The following GABBR2 variants were observed in gnomAD, a reference collection of about 807,000 sequenced individuals.
GABBR2 encodes the protein G-protein coupled receptor 51.
A neutral mutation model predicts 105.6 loss-of-function variants in GABBR2; 23 were observed. The ratio of observed to expected loss-of-function variants is 0.22; its 90% confidence interval spans 0.16 to 0.31. GABBR2 has a LOEUF of 0.31. Ranked by LOEUF, GABBR2 falls within the 10% of genes least tolerant of loss-of-function variation. GABBR2 has a pLI of 1.00. For synonymous variants in GABBR2, 478 were observed against 499.7 expected, an observed-to-expected ratio of 0.96 and a Z score of 0.58; for missense variants, 734 against 1,245.5, an observed-to-expected ratio of 0.59 and a Z score of 6.18.
rs1826723338 is a variant in GABBR2 at position 98,473,361 on chromosome 9, G to A, written c.799-15C>T. On this transcript the variant is annotated splice_polypyrimidine_tract_variant and intron_variant, in intron 5 of 18. Transcript: ENST00000259455. ...TCCTCGTATGCCTGTAAAAGATGGA[G>A]TGACTATGAGGGCATTGAGAGTCGC... 6.4e-7 allele frequency: 1 copy of A among 1,567,060 alleles called. No homozygotes were observed. Among genetic ancestry groups the A allele is most frequent in the African/African-American group, 1.4e-5 (1 of 74,036 alleles).
chr9:98,361,207 T>C (rs776126960), intron 13 of GABBR2, among the ~76,000 whole-genome samples: 73 of 152,282 alleles, frequency 4.8e-4, no homozygotes, highest in Non-Finnish European at 8.5e-4. Flanking sequence ...AGAGGGTAGT[T>C]AGTGGTATTG....
At chr9:98,375,560 C>A (rs553139) in intron 11 of GABBR2, among the ~76,000 whole-genome samples, 9,228 of 152,262 alleles carry the variant, frequency 0.061, 457 homozygotes, top group South Asian at 0.18. Flanking sequence ...GTCATGAACT[C>A]TTTGTCACCA....
At chr9:98,299,526 T>A (rs1167720886) in intron 16 of GABBR2, among the ~76,000 whole-genome samples, 173 bp from the exon 17 acceptor site, 1 of 152,216 alleles carries the variant, frequency 6.6e-6, no homozygotes, top group Non-Finnish European at 1.5e-5. Context: ...TCCTGGCGGC[T>A]CTTTGTTCAA....
chr9:98,669,277 C>T (rs1489429151), intron 1 of GABBR2, among the ~76,000 whole-genome samples: 2 of 152,042 alleles, frequency 1.3e-5, no homozygotes, highest in East Asian at 1.9e-4. Context: ...AGCGGTGACT[C>T]GTGGTTTTGA....
rs145535257 is a variant in GABBR2 at position 98,498,201 on chromosome 9, G to A, written c.631-1687C>T. On this transcript the variant is annotated intron_variant, in intron 3 of 18. Transcript: ENST00000259455. ...TTAGTCACATTTATAGAGACAGAGA[G>A]TAGAATGGTGGTTACCAGCAGCTGA... Among the ~76,000 whole-genome samples, 8 of 150,298 alleles carry A rather than the reference G, an allele frequency of 5.3e-5. No individual in the cohort carries two copies. In the East Asian group the frequency reaches 1.6e-3, roughly 30 times the overall value.
At chr9:98,683,140 C>G (rs1269134043) in intron 1 of GABBR2, among the ~76,000 whole-genome samples, 1 of 152,138 alleles carries the variant, frequency 6.6e-6, no homozygotes, top group Non-Finnish European at 1.5e-5. Flanking sequence ...ATCGCCTAGG[C>G]TAGAGTGCAA....
At chr9:98,707,020 C>T (rs1830904350) in intron 1 of GABBR2, among the ~76,000 whole-genome samples, 1 of 152,244 alleles carries the variant, frequency 6.6e-6, no homozygotes, top group Non-Finnish European at 1.5e-5. Context: ...CCGCCTGCAG[C>T]AGCCTGCGCG....
chr9:98,589,570 A>G (rs1410906636), intron 1 of GABBR2, among the ~76,000 whole-genome samples: 1 of 152,200 alleles, frequency 6.6e-6, no homozygotes, highest in Admixed American at 6.5e-5. Context: ...TGAGAGAGAC[A>G]AGAAAAGATT....
rs1252306860 is a variant in GABBR2, at chr9:98,306,806, T to C, written c.2005-461A>G. On this transcript the variant is annotated intron_variant, in intron 14 of 18. Coordinates refer to ENST00000259455, the MANE Select transcript of GABBR2 (RefSeq NM_005458.8). The surrounding 1 kb of genome is among the most constrained non-coding windows in gnomAD (Gnocchi z 5.4). ...TTAAACTAAGCAGATCCCTTGTGTCTGAGACTTCTATTGTCCCCAAGCACA... is the reference window on the plus strand; with the variant it reads ...TTAAACTAAGCAGATCCCTTGTGTCCGAGACTTCTATTGTCCCCAAGCACA... Among the ~76,000 whole-genome samples, 1 of 152,204 alleles carries C rather than the reference T, an allele frequency of 6.6e-6. No individual in the cohort carries two copies. The highest frequency in any genetic ancestry group is 1.5e-5 in the Non-Finnish European group (1 of 68,034).
At chr9:98,295,599 C>T (rs568432255) in intron 17 of GABBR2, among the ~76,000 whole-genome samples, 2 of 152,070 alleles carry the variant, frequency 1.3e-5, no homozygotes, top group Non-Finnish European at 2.9e-5. Context: ...ATCTTGGGCT[C>T]ACTGCAACCT....
At position 98,306,114 on chromosome 9, in the gene GABBR2, C is replaced by T. The variant is rs1277302107; in HGVS notation, c.2229+7G>A. ...CAGAGGCCAGGTGGTGGGGCCAGCGCCTGTACCTTCGGCACGAATACCAGG... is the reference window on the plus strand; with the variant it reads ...CAGAGGCCAGGTGGTGGGGCCAGCGTCTGTACCTTCGGCACGAATACCAGG... On this transcript the variant is annotated splice_region_variant and intron_variant, in intron 15 of 18. Coordinates refer to ENST00000259455, the MANE Select transcript of GABBR2 (RefSeq NM_005458.8). This position sits in a 1 kb window ranked among gnomAD's most constrained non-coding sequence, Gnocchi z 5.4. 1.2e-6 allele frequency: 2 copies of T among 1,608,702 alleles called. No homozygotes were observed. The highest frequency in any genetic ancestry group is 2.2e-5 in the East Asian group (1 of 44,812).
intron 7 of GABBR2, among the ~76,000 whole-genome samples, chr9:98,444,840 T>C (rs2131591335): frequency 6.6e-6 from 1 of 150,948 alleles, no homozygotes; most frequent in East Asian, 2.0e-4. Flanking sequence ...CTCCAACGCA[T>C]GCGTGCACGT....
intron 17 of GABBR2, among the ~76,000 whole-genome samples, chr9:98,294,218 C>T (rs2131336770): frequency 6.6e-6 from 1 of 152,248 alleles, no homozygotes; most frequent in South Asian, 2.1e-4. Context: ...ACAAGAGGTT[C>T]TAACATTCTT....
At chr9:98,494,435 C>T (rs1423613093) in intron 4 of GABBR2, among the ~76,000 whole-genome samples, 1 of 152,108 alleles carries the variant, frequency 6.6e-6, no homozygotes, top group Admixed American at 6.6e-5. Context: ...GGAGCCTTTG[C>T]CAACAGATGA....
intron 13 of GABBR2, among the ~76,000 whole-genome samples, chr9:98,349,485 C>T (rs1831360029): frequency 6.6e-6 from 1 of 150,614 alleles, no homozygotes; most frequent in Non-Finnish European, 1.5e-5. Flanking sequence ...TCCCAAGTAG[C>T]TGGGATTACA....
intron 7 of GABBR2, among the ~76,000 whole-genome samples, chr9:98,424,838 G>C (rs906806004): frequency 6.6e-6 from 1 of 152,208 alleles, no homozygotes; most frequent in East Asian, 1.9e-4. Context: ...AAAGAGGATA[G>C]AAACAAATGG....
At chr9:98,643,740 G>GC (rs1277774403) in intron 1 of GABBR2, among the ~76,000 whole-genome samples, 1 of 152,226 alleles carries the variant, frequency 6.6e-6, no homozygotes, top group Non-Finnish European at 1.5e-5. Context: ...GATGGGCACA[G>GC]CCCCCAGTAG....
chr9:98,393,045 T>A (rs1271250292), intron 9 of GABBR2, among the ~76,000 whole-genome samples: 1 of 127,764 alleles, frequency 7.8e-6, no homozygotes, highest in African/African-American at 3.5e-5. Context: ...CATCCATCCA[T>A]CCATCCATCC....
At chr9:98,586,875 A>C (rs1829085020) in intron 1 of GABBR2, among the ~76,000 whole-genome samples, 1 of 152,198 alleles carries the variant, frequency 6.6e-6, no homozygotes, top group Non-Finnish European at 1.5e-5. Flanking sequence ...TGTTTCCAGC[A>C]TTGTGTTTGG....
Sources: gnomAD v4.1 joint callset for allele counts (sites outside exome capture counted in the v4.1 genomes callset) on GRCh38, gnomAD v4.1.1 for gene constraint, Gnocchi (gnomAD v3.1) non-coding constraint, MANE v1.5 for transcripts, NCBI Gene and HGNC (gene_info 2026-07-23, HGNC 2026-07-21) for gene names.